Variants in PCDHGB3 observed in about 807,000 individuals in gnomAD.
The protein encoded by PCDHGB3 is protocadherin gamma-B3.
PCDHGB3 carries 40 observed loss-of-function variants against 59.2 expected under a neutral mutation model. That is an observed-to-expected ratio of 0.68 (90% confidence interval 0.52 to 0.88). PCDHGB3 has a LOEUF of 0.88. Ranked by LOEUF, PCDHGB3 falls within the 40% of genes least tolerant of loss-of-function variation. The pLI, the probability that PCDHGB3 is intolerant of heterozygous loss-of-function variation, is 0.00. For synonymous variants in PCDHGB3, 581 were observed against 503.6 expected, an observed-to-expected ratio of 1.15 and a Z score of -2.06; for missense variants, 1,309 against 1,187.9, an observed-to-expected ratio of 1.10 and a Z score of -1.50.
chr5:141,421,054 A>C, intron 1 of PCDHGB3: 2 of 571,978 alleles, frequency 3.5e-6, no homozygotes, highest in Non-Finnish European at 6.0e-6. Context: ...CGCCTCTACC[A>C]CACAAAGCGG....
chr5:141,389,928 C>G, intron 1 of PCDHGB3: 1 of 1,614,066 alleles, frequency 6.2e-7, no homozygotes, highest in Non-Finnish European at 8.5e-7. Flanking sequence ...CCCCTCTGAC[C>G]TCCAGGCTGA....
intron 1 of PCDHGB3, chr5:141,423,228 C>T (rs1321708353): frequency 6.2e-7 from 1 of 1,613,748 alleles, no homozygotes; most frequent in Non-Finnish European, 8.5e-7. Flanking sequence ...CTGTGGCCGA[C>T]AGCATCCCCG....
chr5:141,487,068 T>C lies in PCDHGB3; in HGVS notation c.2416-7739T>C. ...TATGCTGGGGAGGTGCGGACGGCTG[T>C]TCCTATCCCAGCTGACCTCCCACCA... On this transcript the variant is annotated intron_variant, in intron 1 of 3. Transcript: ENST00000576222. The surrounding 1 kb of genome is among the most constrained non-coding windows in gnomAD (Gnocchi z 5.0). The C allele has an allele frequency of 6.2e-7, 1 of 1,614,166 alleles. No individual in the cohort carries two copies. The highest frequency in any genetic ancestry group is 8.5e-7 in the Non-Finnish European group (1 of 1,180,016).
intron 1 of PCDHGB3, among the ~76,000 whole-genome samples, chr5:141,492,336 A>G (rs1353947767): frequency 1.3e-5 from 2 of 152,072 alleles, no homozygotes; most frequent in East Asian, 3.9e-4. Context: ...TTACGCGAAT[A>G]CCAGCTTTCA....
intron 1 of PCDHGB3, chr5:141,375,951 C>A (rs767101939): frequency 6.2e-7 from 1 of 1,613,408 alleles, no homozygotes; most frequent in Non-Finnish European, 8.5e-7. Flanking sequence ...GGCCTGCACA[C>A]GGGCGAGGTG....
chr5:141,468,049 G>C (rs2099156671), intron 1 of PCDHGB3, among the ~76,000 whole-genome samples: 1 of 152,068 alleles, frequency 6.6e-6, no homozygotes, highest in African/African-American at 2.4e-5. Context: ...ACTAAGCCGG[G>C]CACAGTGGCT....
chr5:141,433,176 T>A, intron 1 of PCDHGB3: 1 of 1,610,288 alleles, frequency 6.2e-7, no homozygotes, highest in Non-Finnish European at 8.5e-7. Flanking sequence ...AGTCATGGGT[T>A]AATTGAGGTG....
At chr5:141,472,980 C>CAAAAAAAAAAAAAAAAGAAAA (rs2099308501) in intron 1 of PCDHGB3, among the ~76,000 whole-genome samples, 1 of 86,106 alleles carries the variant, frequency 1.2e-5, no homozygotes, top group Non-Finnish European at 2.5e-5. Context: ...GAGTGAAACT[C>CAAAAAAAAAAAAAAAAGAAAA]AAAAAAAAAA....
At chr5:141,435,214 A>G (rs1314928643) in intron 1 of PCDHGB3, among the ~76,000 whole-genome samples, 2 of 152,176 alleles carry the variant, frequency 1.3e-5, no homozygotes, top group South Asian at 2.1e-4. Context: ...AAGTGAATTT[A>G]CTTTCTTTCA....
intron 1 of PCDHGB3, chr5:141,392,651 C>G (rs1228467133): frequency 1.4e-6 from 1 of 708,830 alleles, no homozygotes; most frequent in Non-Finnish European, 2.2e-6. Flanking sequence ...CGAAGACCCG[C>G]AGATGCCACA....
At chr5:141,388,209 G>A in intron 1 of PCDHGB3, 1 of 1,586,286 alleles carries the variant, frequency 6.3e-7, no homozygotes, top group Non-Finnish European at 8.6e-7. Context: ...ATTTGAGGCT[G>A]TTGCTGAAAA....
chr5:141,393,744 G>A lies in PCDHGB3; in HGVS notation c.2415+20935G>A, dbSNP rs770821376. The A allele has an allele frequency of 2.0e-5, 32 of 1,613,750 alleles. No individual in the cohort carries two copies. The highest frequency in any genetic ancestry group is 2.7e-5 in the Non-Finnish European group (32 of 1,179,884). On this transcript the variant is annotated intron_variant, in intron 1 of 3. Coordinates refer to ENST00000576222, the MANE Select transcript of PCDHGB3 (RefSeq NM_018924.5). ...AATAGCAAAAAGTCTAGATTATGAAGAATGTTCATTTTATGAAATGGAAAT... is the reference window on the plus strand; with the variant it reads ...AATAGCAAAAAGTCTAGATTATGAAAAATGTTCATTTTATGAAATGGAAAT...
intron 1 of PCDHGB3, chr5:141,393,024 A>G (rs755325492): frequency 6.2e-7 from 1 of 1,613,834 alleles, no homozygotes; most frequent in East Asian, 2.2e-5. Context: ...CTCCAGAGGT[A>G]GGACGCAGCT....
chr5:141,388,941 C>T (rs191165529), intron 1 of PCDHGB3: 9 of 1,613,962 alleles, frequency 5.6e-6, no homozygotes, highest in Admixed American at 5.0e-5. Context: ...TCTACCCAAC[C>T]TAATTATGGA....
intron 1 of PCDHGB3, chr5:141,405,392 TTC>T (rs1477182661): frequency 6.3e-7 from 1 of 1,595,986 alleles, no homozygotes; most frequent in Non-Finnish European, 8.5e-7. Flanking sequence ...TTCATTTTTT[TTC>T]TTTCTTTCTT....
intron 1 of PCDHGB3, chr5:141,427,048 C>T (rs1257232583): frequency 4.4e-6 from 2 of 457,350 alleles, no homozygotes; most frequent in South Asian, 1.5e-5. Context: ...AATGTGCCCC[C>T]AGGCACCTCT....
chr5:141,397,949 A>AGCCCCAGCTCAGAC (rs1391996511), intron 1 of PCDHGB3: 1 of 916,660 alleles, frequency 1.1e-6, no homozygotes, highest in Non-Finnish European at 1.6e-6. Context: ...TTTCCAGGGC[A>AGCCCCAGCTCAGAC]GCCCCAGCTC....
intron 1 of PCDHGB3, chr5:141,392,161 C>T (rs2092476241): frequency 6.6e-6 from 1 of 152,200 alleles, no homozygotes; most frequent in African/African-American, 2.4e-5. Context: ...AAAACAATTT[C>T]TGAGTCAGTC....
Position 141,414,407 on chromosome 5 carries a change from A to T in PCDHGB3, c.2415+41598A>T, listed in dbSNP as rs181582338. On this transcript the variant is annotated intron_variant, in intron 1 of 3. Transcript: ENST00000576222. ...GACAGTTATTACAGATTGGTGATACACAGAGCCCTTGACAGGGAACAGGTA... is the reference window on the plus strand; with the variant it reads ...GACAGTTATTACAGATTGGTGATACTCAGAGCCCTTGACAGGGAACAGGTA... 96 of 1,613,912 alleles carry T rather than the reference A, an allele frequency of 5.9e-5. No individual in the cohort carries two copies. In the East Asian group the frequency reaches 1.5e-3, roughly 25 times the overall value.
Sources: allele counts gnomAD v4.1 joint callset (sites outside exome capture counted in the v4.1 genomes callset), GRCh38; gene constraint gnomAD v4.1.1; non-coding constraint Gnocchi (gnomAD v3.1); transcripts MANE v1.5; gene names NCBI Gene and HGNC (gene_info 2026-07-23, HGNC 2026-07-21).